JUP: variants seen among roughly 807,000 people sequenced by gnomAD.
JUP encodes the protein junction plakoglobin.
JUP carries 28 observed loss-of-function variants against 71.1 expected under a neutral mutation model. That is an observed-to-expected ratio of 0.39 (90% CI 0.29 to 0.54). The LOEUF is 0.54. JUP is among the 20% of genes least tolerant of loss of function. The pLI is 0.62. For synonymous variants in JUP, 401 were observed against 438.9 expected (o/e 0.91, Z 1.08); for missense variants, 869 against 1,030.1 (o/e 0.84, Z 2.14).
chr17:41,767,528 G>A lies in JUP; in HGVS notation c.760C>T (p.Leu254Phe). ...FYAITTLHNL[L>F]LYQEGAKMAV... Reference sequence around the variant, plus strand: ...ATCTTGGCGCCCTCCTGGTACAGGAGCAGGTTGTGCAGCGTGGTGATGGCA... The same window carrying A: ...ATCTTGGCGCCCTCCTGGTACAGGAACAGGTTGTGCAGCGTGGTGATGGCA... Residue 254 changes from leucine to phenylalanine, a missense_variant, in exon 5 of 14, where the codon CTC becomes TTC. Leu to Phe is a conservative substitution (Grantham distance 22, BLOSUM62 0). Transcript: ENST00000393931. 1.2e-6 allele frequency: 2 copies of A among 1,613,788 alleles called. No homozygotes were observed. The highest frequency in any genetic ancestry group is 2.2e-5 in the East Asian group (1 of 44,858).
At chr17:41,784,298 AG>A (rs2047338995) in intron 1 of JUP, among the ~76,000 whole-genome samples, 1 of 141,680 alleles carries the variant, frequency 7.1e-6, no homozygotes, top group Non-Finnish European at 1.5e-5. Context: ...GGGTGGAGCC[AG>A]GGTGCAAGGG....
intron 8 of JUP, 120 bp from the exon 9 acceptor site, chr17:41,758,990 C>CATACTGGA: frequency 9.8e-7 from 1 of 1,023,754 alleles, no homozygotes; most frequent in Non-Finnish European, 1.4e-6. Flanking sequence ...CAGACACAGA[C>CATACTGGA]ATACTGGAAA....
Position 41,762,926 on chromosome 17 carries a change from C to T in JUP, c.1497+57G>A, listed in dbSNP as rs76767886. ...TTTGCTACAGCGGCTTTGCCTATAC[C>T]AATACAGCACCTAAGCCTGCTGCAG... On this transcript the variant is annotated intron_variant, in intron 8 of 13. Transcript: ENST00000393931. 4.7e-4 allele frequency: 706 copies of T among 1,498,094 alleles called. 7 individuals carry two copies. The East Asian group carries it at 0.014, about 30-fold the overall frequency. The allele number at this position is 1,498,094 out of a possible 1,614,324, so 92.8% of individuals were successfully genotyped here. A position where few individuals can be genotyped will look rare whatever the true frequency, so the allele number is the denominator to read the frequency against.
chr17:41,774,697 T>C (rs953288712), intron 1 of JUP, among the ~76,000 whole-genome samples: 17 of 152,056 alleles, frequency 1.1e-4, no homozygotes, highest in African/African-American at 4.1e-4. Context: ...GCACTTGTGG[T>C]AGGAACAGCA....
rs782425952 is a variant in JUP at position 41,769,633 on chromosome 17, C to G, written c.253G>C (p.Val85Leu). 3.7e-6 allele frequency: 6 copies of G among 1,606,664 alleles called. No homozygotes were observed. The South Asian group carries it at 6.7e-5, about 18-fold the overall frequency. Residue 85 changes from valine to leucine, a missense_variant, in exon 3 of 14, where the codon GTG becomes CTG. Transcript: ENST00000393931. ...ACACCAGGGCACATGGCCTCCCGCA[C>G]CCGTTTGGCCCTGGCTGTTGTGGAC... ...QMSTTARAKR[V>L]REAMCPGVSG...
At position 41,767,541 on chromosome 17, in the gene JUP, C is replaced by G. The variant is rs1555604600; in HGVS notation, c.747G>C (p.Thr249=). 1 of 1,395,802 alleles carries G rather than the reference C, an allele frequency of 7.2e-7. No individual in the cohort carries two copies. Among genetic ancestry groups the G allele is most frequent in the African/African-American group, 1.5e-5 (1 of 67,072 alleles). 86.5% of individuals were successfully genotyped at this position (1,395,802 alleles called of 1,614,324 possible). ...VESVLFYAIT[T]LHNLLLYQEG... ...CCTGGTACAGGAGCAGGTTGTGCAG[C>G]GTGGTGATGGCATAGAACAGGACCG... Residue 249 remains threonine, a synonymous_variant, in exon 5 of 14, where the codon ACG becomes ACC. Transcript: ENST00000393931.
chr17:41,776,261 G>A (rs1330648997), intron 1 of JUP, among the ~76,000 whole-genome samples: 1 of 152,252 alleles, frequency 6.6e-6, no homozygotes, highest in Non-Finnish European at 1.5e-5. Flanking sequence ...GGTGAGCACA[G>A]GATTCTGAGT....
At chr17:41,784,035 G>T (rs2047323179) in intron 1 of JUP, among the ~76,000 whole-genome samples, 1 of 152,072 alleles carries the variant, frequency 6.6e-6, no homozygotes. Flanking sequence ...TGAGGCTCAG[G>T]TAATGAGAGA....
chr17:41,771,999 G>A (rs1567823546), intron 1 of JUP, 137 bp from the exon 2 acceptor site: 1 of 851,522 alleles, frequency 1.2e-6, no homozygotes, highest in Admixed American at 2.0e-5. Flanking sequence ...GCAGGCTGGG[G>A]ATGGGGGGAC....
chr17:41,768,894 G>A (rs1916118068), intron 4 of JUP, 75 bp downstream of exon 4: 2 of 1,170,348 alleles, frequency 1.7e-6, no homozygotes, highest in Non-Finnish European at 2.5e-6. Flanking sequence ...GATATTTATG[G>A]AAGCTCAGGG....
At chr17:41,768,452 C>T (rs1249779752) in intron 4 of JUP, among the ~76,000 whole-genome samples, 1 of 151,784 alleles carries the variant, frequency 6.6e-6, no homozygotes, top group African/African-American at 2.4e-5. Flanking sequence ...ATCCCAGCTA[C>T]TCAGGAGACT....
In JUP at chr17:41,769,526, G is replaced by C; in HGVS notation, c.360C>G (p.Ser120=). 1 of 1,611,668 alleles carries C rather than the reference G, an allele frequency of 6.2e-7. No individual in the cohort carries two copies. Among genetic ancestry groups the C allele is most frequent in the Non-Finnish European group, 8.5e-7 (1 of 1,179,342 alleles). Reference sequence around the variant, plus strand: ...GCACAATGGCCGACTTGAGCAGCTGGGACGGCTCGGCCAGTCGCTGCAGGT... The same window carrying C: ...GCACAATGGCCGACTTGAGCAGCTGCGACGGCTCGGCCAGTCGCTGCAGGT... The part of the protein sequence containing the change: ...ATNLQRLAEP[S]QLLKSAIVHL... Residue 120 remains serine, a synonymous_variant, in exon 3 of 14, where the codon TCC becomes TCG. Transcript: ENST00000393931.
rs782357392 is a variant in JUP, at chr17:41,763,310, C to A, written c.1170G>T (p.Glu390Asp). ...SDVATKQEGL[E>D]SVLKILVNQL... The stretch of plus-strand genomic sequence containing the variant: ...GATTCACCAGAATCTTCAGCACACT[C>A]TCCAGGCCCTCCTGGAGGGCAAGGA... The change falls in exon 8 of 14, where the codon GAG (glutamate) becomes GAT (aspartate). Residue 390 changes from glutamate (E) to aspartate (D), a missense_variant. Physicochemically the swap from Glu to Asp is conservative, Grantham distance 45. Coordinates refer to ENST00000393931, the MANE Select transcript of JUP (RefSeq NM_002230.4). 8.9e-5 allele frequency: 144 copies of A among 1,613,882 alleles called. 3 individuals are homozygous for A. The South Asian group carries it at 1.6e-3, about 18-fold the overall frequency.
rs1555605152 is a variant in JUP at position 41,769,012 on chromosome 17, T to C, written c.664A>G (p.Ile222Val). 1.9e-6 allele frequency: 3 copies of C among 1,610,654 alleles called. No individual in the cohort carries two copies. The highest frequency in any genetic ancestry group is 2.5e-6 in the Non-Finnish European group (3 of 1,178,760). The change falls in exon 4 of 14, where the codon ATC becomes GTC. Residue 222 changes from isoleucine to valine, a missense_variant. By Grantham distance (29) the Ile-to-Val change is conservative. Transcript: ENST00000393931. ...LSHHREGLLA[I>V]FKSGGIPALV... ...GCAGGGATGCCACCCGACTTGAAGA[T>C]GGCGAGCAGCCCCTCCCGGTGGTGG...
chr17:41,785,436 C>T (rs1555611535), intron 1 of JUP, among the ~76,000 whole-genome samples: 3 of 152,128 alleles, frequency 2.0e-5, no homozygotes, highest in African/African-American at 7.2e-5. Flanking sequence ...GCTGCTTCCC[C>T]TCTCAGCACT....
chr17:41,775,995 C>T lies in JUP; in HGVS notation c.-8-4133G>A, dbSNP rs6503663. ...ACCAGAGCTACACCAGGCTCCTTCC[C>T]CAGCCGGCACCTGCCAAGGACAGTC... On this transcript the variant is annotated intron_variant, in intron 1 of 13. Transcript: ENST00000393931. 1.8e-3 allele frequency: 1,780 copies of T among 985,424 alleles called. 36 individuals carry two copies. The African/African-American group carries it at 0.029, about 16-fold the overall frequency. The allele number at this position is 985,424 out of a possible 1,614,324, so 61.0% of individuals were successfully genotyped here. A position where few individuals can be genotyped will look rare whatever the true frequency, so the allele number is the denominator to read the frequency against.
At chr17:41,762,665 T>G (rs1333627004) in intron 8 of JUP, among the ~76,000 whole-genome samples, 1 of 152,028 alleles carries the variant, frequency 6.6e-6, no homozygotes, top group African/African-American at 2.4e-5. Context: ...CCTCCCAAAG[T>G]GTTGGGATTA....
chr17:41,757,743 G>C lies in JUP; in HGVS notation c.1815C>G (p.Ala605=), dbSNP rs543862977. 7 of 1,612,738 alleles carry C rather than the reference G, an allele frequency of 4.3e-6. No homozygotes were observed. Among genetic ancestry groups the C allele is most frequent in the Middle Eastern group, 1.7e-4 (1 of 6,042 alleles). ...SSVENIQRVA[A]GVLCELAQDK... is the part of the protein sequence containing the mutation. ...CCTGGGCCAGCTCACACAGCACCCC[G>C]GCAGCCACGCGCTGGATGTTCTCCA... is the stretch of plus-strand genomic sequence containing the variant. Residue 605 remains alanine (A), a synonymous_variant, in exon 11 of 14, where the codon GCC becomes GCG. Transcript: ENST00000393931.
At position 41,763,302 on chromosome 17, in the gene JUP, A is replaced by C. The variant is rs1229809500; in HGVS notation, c.1178T>G (p.Leu393Arg). 6.2e-7 allele frequency: 1 copy of C among 1,613,968 alleles called. No homozygotes were observed. Among genetic ancestry groups the C allele is most frequent in the African/African-American group, 1.3e-5 (1 of 74,916 alleles). ...ACTCAGCTGATTCACCAGAATCTTC[A>C]GCACACTCTCCAGGCCCTCCTGGAG... ...ATKQEGLESV[L>R]KILVNQLSVD... The change falls in exon 8 of 14, where the codon CTG becomes CGG. Residue 393 changes from leucine (L) to arginine (R), a missense_variant. Physicochemically the swap from Leu to Arg is moderately radical, Grantham distance 102. Coordinates refer to ENST00000393931, the MANE Select transcript of JUP (RefSeq NM_002230.4).
Sources: gnomAD v4.1 joint callset for allele counts (sites outside exome capture counted in the v4.1 genomes callset) on GRCh38, gnomAD v4.1.1 for gene constraint, MANE v1.5 for transcripts, NCBI Gene and HGNC (gene_info 2026-07-23, HGNC 2026-07-21) for gene names.